The following SDK1 variants were observed in gnomAD, a reference collection of about 807,000 sequenced individuals.
The protein encoded by SDK1 is protein sidekick-1.
In SDK1, 157 loss-of-function variants were observed where a neutral mutation model predicts 245.5. The ratio of observed to expected loss-of-function variants is 0.64; its 90% CI spans 0.56 to 0.73. The LOEUF (loss-of-function observed/expected upper bound fraction) is 0.73, where lower values mean the gene tolerates loss of function less well. SDK1 is among the 30% of genes least tolerant of loss of function. SDK1 has a pLI of 0.00. For missense variants in SDK1, 3,583 were observed against 3,002.3 expected (o/e 1.19, Z -4.52); for synonymous variants, 1,647 against 1,278.5 (o/e 1.29, Z -6.15).
intron 1 of SDK1, among the ~76,000 whole-genome samples, chr7:3,471,834 C>T (rs190649465): frequency 2.6e-4 from 39 of 152,278 alleles, no homozygotes; most frequent in Admixed American, 2.0e-3. Context: ...TTAAAACACT[C>T]TTTGGGACTT....
At chr7:3,952,662 A>G (rs1225605442) in intron 7 of SDK1, among the ~76,000 whole-genome samples, 1 of 152,114 alleles carries the variant, frequency 6.6e-6, no homozygotes, top group Non-Finnish European at 1.5e-5. Context: ...CAGAAAATGT[A>G]AAACTATCGG....
At chr7:3,682,356 A>C (rs1335663050) in intron 4 of SDK1, among the ~76,000 whole-genome samples, 1 of 152,226 alleles carries the variant, frequency 6.6e-6, no homozygotes, top group Non-Finnish European at 1.5e-5. Flanking sequence ...TGAGGAAAGC[A>C]GCAATTTTTG....
At chr7:3,639,832 CAT>C (rs948179126) in intron 3 of SDK1, among the ~76,000 whole-genome samples, 10 of 150,736 alleles carry the variant, frequency 6.6e-5, no homozygotes, top group African/African-American at 2.5e-4. Context: ...AATTATATGT[CAT>C]ATATATGTTA....
chr7:3,817,412 A>C (rs913323158), intron 4 of SDK1, among the ~76,000 whole-genome samples: 1 of 152,154 alleles, frequency 6.6e-6, no homozygotes, highest in Non-Finnish European at 1.5e-5. Context: ...TGGGATTTCC[A>C]ATAGTTGCTG....
chr7:3,549,057 C>G (rs895326058), intron 1 of SDK1, among the ~76,000 whole-genome samples: 7 of 152,232 alleles, frequency 4.6e-5, no homozygotes, highest in African/African-American at 1.7e-4. Flanking sequence ...TGGGAAGAAC[C>G]TGCTCTTACA....
At chr7:3,995,459 C>G (rs970912589) in intron 14 of SDK1, among the ~76,000 whole-genome samples, 1 of 152,154 alleles carries the variant, frequency 6.6e-6, no homozygotes, top group African/African-American at 2.4e-5. Flanking sequence ...TCCCCATCCC[C>G]TCCCCTGGGG....
rs370119896 is a variant in SDK1, at chr7:4,086,819, G to A, written c.3324+7235G>A. Reference sequence around the variant, plus strand: ...AATTAGGGTATGGGCATCTCCAGGGGGCCTCATTCAGCCTCAAGCTAGTTT... The same window carrying A: ...AATTAGGGTATGGGCATCTCCAGGGAGCCTCATTCAGCCTCAAGCTAGTTT... On this transcript the variant is annotated intron_variant, in intron 22 of 44. Coordinates refer to ENST00000404826, the MANE Select transcript of SDK1 (RefSeq NM_152744.4). Among the ~76,000 whole-genome samples the A allele has an allele frequency of 1.7e-4, 26 of 152,142 alleles. 1 individual carries two copies. Among genetic ancestry groups the A allele is most frequent in the East Asian group, 1.4e-3 (7 of 5,160 alleles).
chr7:4,046,274 C>G (rs1053633401), intron 17 of SDK1, among the ~76,000 whole-genome samples: 5 of 152,142 alleles, frequency 3.3e-5, no homozygotes, highest in African/African-American at 1.2e-4. Context: ...TATTGGGTAT[C>G]TGTCTTGCAC....
intron 1 of SDK1, among the ~76,000 whole-genome samples, chr7:3,365,005 C>A (rs1424866373): frequency 6.6e-6 from 1 of 152,126 alleles, no homozygotes. Flanking sequence ...CACTTAAGAA[C>A]TTAATTTTCT....
At chr7:3,338,553 A>T in intron 1 of SDK1, 1 of 358,406 alleles carries the variant, frequency 2.8e-6, no homozygotes, top group Non-Finnish European at 5.3e-6. Context: ...GAAGCAGTGG[A>T]GAGGAACCTG....
intron 44 of SDK1, among the ~76,000 whole-genome samples, chr7:4,249,870 A>G (rs894655657): frequency 2.0e-5 from 3 of 152,202 alleles, no homozygotes; most frequent in Non-Finnish European, 2.9e-5. Flanking sequence ...CAGCTGGATT[A>G]AGACCTAACT....
chr7:3,796,653 C>T (rs1778968838), intron 4 of SDK1, among the ~76,000 whole-genome samples: 1 of 152,204 alleles, frequency 6.6e-6, no homozygotes, highest in Admixed American at 6.5e-5. Flanking sequence ...GCACTGGGTT[C>T]CTTTGGCTGC....
At chr7:3,669,381 C>A (rs1783627787) in intron 4 of SDK1, among the ~76,000 whole-genome samples, 1 of 152,142 alleles carries the variant, frequency 6.6e-6, no homozygotes, top group Non-Finnish European at 1.5e-5. Flanking sequence ...TTCTTACCCC[C>A]TTTTCATTGA....
intron 5 of SDK1, among the ~76,000 whole-genome samples, chr7:3,945,634 G>T (rs149329636): frequency 6.6e-6 from 1 of 152,076 alleles, no homozygotes; most frequent in Non-Finnish European, 1.5e-5. Context: ...GGTGGCTCAC[G>T]CCTGTAATCC....
At chr7:3,738,338 C>A (rs1173431171) in intron 4 of SDK1, among the ~76,000 whole-genome samples, 3 of 152,152 alleles carry the variant, frequency 2.0e-5, no homozygotes, top group African/African-American at 7.2e-5. Flanking sequence ...GCACCTTTGT[C>A]AAAAATCATT....
intron 1 of SDK1, among the ~76,000 whole-genome samples, chr7:3,440,088 G>A (rs890674005): frequency 2.0e-5 from 3 of 152,068 alleles, no homozygotes; most frequent in Non-Finnish European, 4.4e-5. Flanking sequence ...CCTGTGGTCC[G>A]AAAACATTAA....
intron 7 of SDK1, among the ~76,000 whole-genome samples, chr7:3,952,288 A>G (rs1343555365): frequency 2.0e-5 from 3 of 152,190 alleles, no homozygotes; most frequent in East Asian, 1.9e-4. Context: ...AAACTATTCT[A>G]TTATTGCTGT....
chr7:3,944,202 C>G (rs1281662429), intron 5 of SDK1, among the ~76,000 whole-genome samples: 1 of 152,230 alleles, frequency 6.6e-6, no homozygotes, highest in African/African-American at 2.4e-5. Flanking sequence ...AAGCTTTTCT[C>G]TATCACTTGA....
Position 3,466,979 on chromosome 7 carries a change from TACACACACAC to T in SDK1, c.299-152059_299-152050del, listed in dbSNP as rs11269597. On this transcript the variant is annotated intron_variant, in intron 1 of 44. Transcript: ENST00000404826. ...TCGAAATCTCTCTCCTCTCTCTCTC[TACACACACAC>T]ACACACACACACACACACACACACA... Among the ~76,000 whole-genome samples the T allele has an allele frequency of 4.7e-3, 596 of 127,590 alleles. 4 individuals are homozygous for T. The highest frequency in any genetic ancestry group is 0.014 in the African/African-American group (458 of 32,702). 83.7% of individuals were successfully genotyped at this position (127,590 alleles called of 152,430 possible).
Sources: gnomAD v4.1 joint callset for allele counts (sites outside exome capture counted in the v4.1 genomes callset) on GRCh38, gnomAD v4.1.1 for gene constraint, MANE v1.5 for transcripts, NCBI Gene and HGNC (gene_info 2026-07-23, HGNC 2026-07-21) for gene names.